Variants in CELF2 observed in about 807,000 individuals in gnomAD.
CELF2 encodes the protein CUG triplet repeat RNA-binding protein 2.
CELF2 carries 8 observed loss-of-function variants against 62.6 expected under a neutral mutation model. That is an observed-to-expected ratio of 0.13 (90% CI 0.07 to 0.23). The LOEUF is 0.23. Among genes scored for constraint, CELF2 ranks in the 10% least tolerant of loss-of-function variants. The pLI is 1.00. For synonymous variants in CELF2, 258 were observed against 250.0 expected (o/e 1.03, Z -0.30); for missense variants, 333 against 671.0 (o/e 0.50, Z 5.56).
intron 3 of CELF2, among the ~76,000 whole-genome samples, chr10:11,225,087 G>A (rs1292451899): frequency 6.6e-6 from 1 of 152,120 alleles, no homozygotes; most frequent in Non-Finnish European, 1.5e-5. Context: ...CTCATTAGTA[G>A]TATGACATAA....
the CELF2 span, among the ~76,000 whole-genome samples, chr10:10,597,161 G>A: frequency 6.6e-6 from 1 of 152,156 alleles, no homozygotes. Context: ...GTTCATCAGG[G>A]ATAGAAAGAG....
the CELF2 span, among the ~76,000 whole-genome samples, chr10:10,483,214 C>CAAAAAAAAAAAA: frequency 3.2e-5 from 3 of 93,434 alleles, no homozygotes; most frequent in Non-Finnish European, 4.4e-5. Flanking sequence ...GGCAGAATAC[C>CAAAAAAAAAAAA]AAAAAAAAAA....
chr10:11,295,207 A>AT (rs137918228), intron 9 of CELF2, among the ~76,000 whole-genome samples: 19,456 of 150,962 alleles, frequency 0.13, 1,848 homozygotes, highest in African/African-American at 0.26. Flanking sequence ...CTCTTGATAG[A>AT]TTTTTTTTTT....
chr10:10,987,161 C>T (rs185650437), intron 2 of CELF2, among the ~76,000 whole-genome samples: 4 of 151,984 alleles, frequency 2.6e-5, no homozygotes, highest in South Asian at 2.1e-4. Flanking sequence ...ACAGCAGAGA[C>T]GCTCAATTCC....
At chr10:11,024,255 C>G (rs1180347536) in intron 1 of CELF2, among the ~76,000 whole-genome samples, 1 of 152,144 alleles carries the variant, frequency 6.6e-6, no homozygotes, top group Non-Finnish European at 1.5e-5. Flanking sequence ...GCCAGGATTC[C>G]TCTAGTGCTT....
intron 1 of CELF2, among the ~76,000 whole-genome samples, chr10:11,107,406 A>C (rs976866597): frequency 2.6e-5 from 4 of 152,110 alleles, no homozygotes; most frequent in African/African-American, 7.2e-5. Flanking sequence ...CTCATCCACC[A>C]ATAGCCACCT....
At chr10:11,038,108 G>A (rs2061259334) in intron 1 of CELF2, among the ~76,000 whole-genome samples, 1 of 152,244 alleles carries the variant, frequency 6.6e-6, no homozygotes, top group African/African-American at 2.4e-5. Context: ...AGGCAGAGGA[G>A]CTGAAGCTCG....
chr10:10,540,560 A>T, the CELF2 span, among the ~76,000 whole-genome samples: 1 of 152,146 alleles, frequency 6.6e-6, no homozygotes, highest in Non-Finnish European at 1.5e-5. Context: ...ATGACTAAAC[A>T]GGAGGTTGCA....
chr10:10,854,238 A>G (rs61832099), intron 1 of CELF2, among the ~76,000 whole-genome samples: 4,454 of 152,270 alleles, frequency 0.029, 87 homozygotes, highest in Non-Finnish European at 0.045. Context: ...TGTCTGCTCT[A>G]GTTTTGTCCA....
intron 1 of CELF2, among the ~76,000 whole-genome samples, chr10:11,023,854 T>C (rs1184017415): frequency 6.6e-6 from 1 of 152,276 alleles, no homozygotes; most frequent in African/African-American, 2.4e-5. Flanking sequence ...GTTTAGATAC[T>C]AAAAGTGATG....
At chr10:11,170,530 C>G (rs939642562) in intron 2 of CELF2, among the ~76,000 whole-genome samples, 1 of 151,930 alleles carries the variant, frequency 6.6e-6, no homozygotes, top group Non-Finnish European at 1.5e-5. Context: ...AGGAAAGATA[C>G]AGAGTCATAG....
At chr10:10,927,353 A>AAAAAACAC in intron 2 of CELF2, 1 of 135,666 alleles carries the variant, frequency 7.4e-6, no homozygotes, top group South Asian at 2.7e-4. Flanking sequence ...CATTAAAAAA[A>AAAAAACAC]AAAAAAAAAA....
Position 11,270,378 on chromosome 10 carries a change from AG to A in CELF2, c.619-286del, listed in dbSNP as rs776690800. On this transcript the variant is annotated intron_variant, in intron 6 of 12. Coordinates refer to ENST00000633077, the MANE Select transcript of CELF2 (RefSeq NM_001326342.2). This position sits in a 1 kb window ranked among gnomAD's most constrained non-coding sequence, Gnocchi z 5.8. ...CTGTTGTCTGTAAGGAGGTCCTGCA[AG>A]GTTGAAGGAAGACACAGGAAGAGAA... 5.3e-5 allele frequency among the ~76,000 whole-genome samples: 8 copies of A among 152,186 alleles called. No homozygotes were observed. Among genetic ancestry groups the A allele is most frequent in the Non-Finnish European group, 1.2e-4 (8 of 68,044 alleles).
At chr10:10,874,440 TA>T (rs5783183) in intron 1 of CELF2, among the ~76,000 whole-genome samples, 105,564 of 144,860 alleles carry the variant, frequency 0.73, 37,952 homozygotes, top group Admixed American at 0.78. Context: ...GGAAAATGGT[TA>T]AAAAAAAAAA....
At chr10:10,621,296 A>C in the CELF2 span, among the ~76,000 whole-genome samples, 2 of 151,448 alleles carry the variant, frequency 1.3e-5, no homozygotes, top group Non-Finnish European at 2.9e-5. Context: ...GATCCAAAAA[A>C]CCTAATATGC....
At chr10:11,257,305 G>A (rs2079064671) in intron 4 of CELF2, among the ~76,000 whole-genome samples, 2 of 127,476 alleles carry the variant, frequency 1.6e-5, no homozygotes, top group African/African-American at 3.0e-5. Context: ...ACCTTTCTCT[G>A]TCCCTGTCAT....
intron 1 of CELF2, among the ~76,000 whole-genome samples, chr10:11,120,381 T>G (rs2057487137): frequency 6.6e-6 from 1 of 152,102 alleles, no homozygotes; most frequent in Non-Finnish European, 1.5e-5. Context: ...TGGGTTTTGC[T>G]CCTTAGTTTT....
rs1202323100 is a variant in CELF2 at position 10,931,133 on chromosome 10, G to T, written c.89+11134G>T. Among the ~76,000 whole-genome samples, 1 of 152,108 alleles carries T rather than the reference G, an allele frequency of 6.6e-6. No individual in the cohort carries two copies. The highest frequency in any genetic ancestry group is 1.5e-5 in the Non-Finnish European group (1 of 68,014). On this transcript the variant is annotated intron_variant, in intron 2 of 13. Transcript: ENST00000636488. This position sits in a 1 kb window ranked among gnomAD's most constrained non-coding sequence, Gnocchi z 6.1. Reference sequence around the variant, plus strand: ...TCTTTTCGGATTAGGTTTTGTAAATGTTTCTATTATGTATTTTCCTTTTCC... The same window carrying T: ...TCTTTTCGGATTAGGTTTTGTAAATTTTTCTATTATGTATTTTCCTTTTCC...
the CELF2 span, among the ~76,000 whole-genome samples, chr10:10,681,755 T>A: frequency 6.6e-6 from 1 of 152,320 alleles, no homozygotes; most frequent in East Asian, 1.9e-4. Context: ...AGAATGAAGA[T>A]CAGGTTTTTC....
Sources: allele counts gnomAD v4.1 joint callset (sites outside exome capture counted in the v4.1 genomes callset), GRCh38; gene constraint gnomAD v4.1.1; non-coding constraint Gnocchi (gnomAD v3.1); transcripts MANE v1.5; gene names NCBI Gene and HGNC (gene_info 2026-07-23, HGNC 2026-07-21).